RSRC1: variants seen among roughly 807,000 people sequenced by gnomAD.
RSRC1 encodes the protein serine/Arginine-related protein 53.
Under a neutral mutation model 49.1 loss-of-function variants are expected in RSRC1, and 39 were observed. The ratio of observed to expected loss-of-function variants is 0.79; its 90% CI spans 0.61 to 1.04. The LOEUF is 1.04. Ranked by LOEUF, RSRC1 falls within the 50% of genes least tolerant of loss-of-function variation. The probability of loss-of-function intolerance (pLI) is 0.00; values close to 1 mark genes in which losing one functional copy is unlikely to be tolerated. For synonymous variants in RSRC1, 143 were observed against 130.8 expected, an observed-to-expected ratio of 1.09 and a Z score of -0.63; for missense variants, 388 against 402.4, an observed-to-expected ratio of 0.96 and a Z score of 0.31.
intron 6 of RSRC1, among the ~76,000 whole-genome samples, chr3:158,445,421 A>T (rs2362971): frequency 2.0e-5 from 3 of 151,686 alleles, no homozygotes; most frequent in Non-Finnish European, 4.4e-5. Flanking sequence ...ACCAAACACC[A>T]CATGTTCTCA....
chr3:158,144,707 C>T (rs1716967789), intron 3 of RSRC1, among the ~76,000 whole-genome samples: 1 of 152,200 alleles, frequency 6.6e-6, no homozygotes, highest in Non-Finnish European at 1.5e-5. Context: ...GAAGAATCGC[C>T]ACACTGACTT....
intron 3 of RSRC1, among the ~76,000 whole-genome samples, chr3:158,167,477 C>T (rs185613221): frequency 6.6e-6 from 1 of 152,296 alleles, no homozygotes; most frequent in East Asian, 1.9e-4. Context: ...AGGCGTGAAC[C>T]ACTGTGCCCA....
At chr3:158,481,206 C>T (rs1738600203) in intron 7 of RSRC1, among the ~76,000 whole-genome samples, 1 of 151,192 alleles carries the variant, frequency 6.6e-6, no homozygotes, top group Non-Finnish European at 1.5e-5. Flanking sequence ...ATTCAACTTA[C>T]ACCTAAGTCA....
At chr3:158,353,708 TG>T (rs1415238859) in intron 5 of RSRC1, among the ~76,000 whole-genome samples, 1 of 152,232 alleles carries the variant, frequency 6.6e-6, no homozygotes, top group African/African-American at 2.4e-5. Context: ...TTATTCAAGC[TG>T]GGTTTCTTTT....
chr3:158,401,758 T>G (rs1733905290), intron 6 of RSRC1, among the ~76,000 whole-genome samples: 3 of 152,042 alleles, frequency 2.0e-5, no homozygotes, highest in Admixed American at 6.6e-5. Context: ...CAGAGATTTA[T>G]TGAAACCTAT....
At chr3:158,491,113 T>G (rs1246879854) in intron 7 of RSRC1, among the ~76,000 whole-genome samples, 2 of 152,208 alleles carry the variant, frequency 1.3e-5, no homozygotes, top group African/African-American at 2.4e-5. Flanking sequence ...AACTGATAAT[T>G]TTATCATAGT....
intron 3 of RSRC1, among the ~76,000 whole-genome samples, chr3:158,175,312 C>T (rs919969987): frequency 6.6e-6 from 1 of 151,964 alleles, no homozygotes; most frequent in Non-Finnish European, 1.5e-5. Flanking sequence ...ATGCATAAGA[C>T]TTCTTAATTT....
intron 4 of RSRC1, among the ~76,000 whole-genome samples, chr3:158,267,925 G>A (rs188420215): frequency 1.7e-4 from 22 of 129,916 alleles, no homozygotes; most frequent in African/African-American, 6.5e-4. Flanking sequence ...GTATTCTCCT[G>A]GGGATTATTG....
intron 3 of RSRC1, among the ~76,000 whole-genome samples, chr3:158,128,510 C>G (rs1010964689): frequency 6.6e-5 from 10 of 152,070 alleles, no homozygotes; most frequent in Non-Finnish European, 1.2e-4. Flanking sequence ...TTGTTTCTTA[C>G]AGGCTCTTTC....
At chr3:158,168,343 G>C (rs1221582276) in intron 3 of RSRC1, among the ~76,000 whole-genome samples, 1 of 152,192 alleles carries the variant, frequency 6.6e-6, no homozygotes, top group African/African-American at 2.4e-5. Context: ...ACCTCCAGTT[G>C]ATCTAGAGAA....
intron 4 of RSRC1, chr3:158,225,784 A>C (rs1030928289): frequency 5.0e-6 from 2 of 403,140 alleles, no homozygotes; most frequent in African/African-American, 4.2e-5. Context: ...TCAGTAGAAC[A>C]TTAATTACCT....
chr3:158,473,079 G>A (rs188439731), intron 7 of RSRC1, among the ~76,000 whole-genome samples: 13 of 152,258 alleles, frequency 8.5e-5, no homozygotes, highest in African/African-American at 2.9e-4. Flanking sequence ...CTGTAAACTA[G>A]TTCAACCATT....
At position 158,396,190 on chromosome 3, in the gene RSRC1, C is replaced by T. The variant is rs373105757; in HGVS notation, c.583+41282C>T. Reference sequence around the variant, plus strand: ...AACAGCAGACACCAGGGCCTACTTACGGCAGAGGTTGGGAGGAAGGGAGGA... The same window carrying T: ...AACAGCAGACACCAGGGCCTACTTATGGCAGAGGTTGGGAGGAAGGGAGGA... On this transcript the variant is annotated intron_variant, in intron 6 of 9. Transcript: ENST00000611884. Among the ~76,000 whole-genome samples, 10 of 152,028 alleles carry T rather than the reference C, an allele frequency of 6.6e-5. No homozygotes were observed. The East Asian group carries it at 9.7e-4, about 15-fold the overall frequency.
intron 2 of RSRC1, among the ~76,000 whole-genome samples, chr3:158,123,135 G>A (rs1203347781): frequency 6.6e-6 from 1 of 152,108 alleles, no homozygotes; most frequent in Admixed American, 6.6e-5. Flanking sequence ...AGCCTTCCAA[G>A]TAGCCGGGAT....
chr3:158,364,328 T>TG (rs1175477559), intron 6 of RSRC1, among the ~76,000 whole-genome samples: 3 of 152,158 alleles, frequency 2.0e-5, no homozygotes, highest in Admixed American at 6.5e-5. Flanking sequence ...ACTGATTTAT[T>TG]GTGAGAGAGC....
intron 7 of RSRC1, among the ~76,000 whole-genome samples, chr3:158,488,953 G>A (rs960385189): frequency 2.0e-5 from 3 of 152,182 alleles, no homozygotes; most frequent in African/African-American, 7.2e-5. Flanking sequence ...GTTTATTACT[G>A]CCTAAGGTCA....
chr3:158,452,772 A>G (rs1414818168), intron 6 of RSRC1, among the ~76,000 whole-genome samples: 1 of 152,200 alleles, frequency 6.6e-6, no homozygotes, highest in Non-Finnish European at 1.5e-5. Flanking sequence ...AAAACTTGAG[A>G]GTATAATTTT....
intron 3 of RSRC1, among the ~76,000 whole-genome samples, chr3:158,158,853 T>G (rs1270046254): frequency 1.3e-5 from 2 of 151,532 alleles, no homozygotes; most frequent in African/African-American, 4.9e-5. Context: ...GCAAGAGAAT[T>G]ACTTGAACCT....
intron 7 of RSRC1, among the ~76,000 whole-genome samples, chr3:158,492,518 ATCT>A (rs542778716): frequency 1.5e-3 from 230 of 152,350 alleles, no homozygotes; most frequent in Admixed American, 3.5e-3. Context: ...TGTTCTAAAC[ATCT>A]TCTTCCCCCC....
Sources: allele counts gnomAD v4.1 joint callset (sites outside exome capture counted in the v4.1 genomes callset), GRCh38; gene constraint gnomAD v4.1.1; transcripts MANE v1.5; gene names NCBI Gene and HGNC (gene_info 2026-07-23, HGNC 2026-07-21).